The following CACNA2D1 variants were observed in gnomAD, a reference collection of about 807,000 sequenced individuals.
The protein encoded by CACNA2D1 is voltage-dependent calcium channel subunit alpha-2/delta-1.
CACNA2D1 carries 53 observed loss-of-function variants against 171.5 expected under a neutral mutation model. The ratio of observed to expected loss-of-function variants is 0.31; its 90% CI spans 0.25 to 0.39. CACNA2D1 has a LOEUF of 0.39. CACNA2D1 is among the 10% of genes least tolerant of loss of function. CACNA2D1 has a pLI of 1.00. For missense variants in CACNA2D1, 903 were observed against 1,299.8 expected (o/e 0.69, Z 4.69); for synonymous variants, 442 against 443.1 (o/e 1.00, Z 0.03).
In CACNA2D1 at chr7:81,961,897, G is replaced by C; in HGVS notation, c.2963C>G (p.Ser988Cys). ...FSGVLDCGNC[S>C]RIFHGEKLMN... is the part of the protein sequence containing the mutation. Reference sequence around the variant, plus strand: ...ACTCCTGAAATAAATAAATTACCTGGAACAGTTTCCACAGTCTAATACACC... The same window carrying C: ...ACTCCTGAAATAAATAAATTACCTGCAACAGTTTCCACAGTCTAATACACC... Residue 988 changes from serine to cysteine, a missense_variant, in exon 36 of 39, where the codon TCC (serine) becomes TGC (cysteine). By Grantham distance (112) the Ser-to-Cys change is moderately radical. Coordinates refer to ENST00000356860, the MANE Select transcript of CACNA2D1 (RefSeq NM_000722.4). The C allele has an allele frequency of 6.2e-7, 1 of 1,605,910 alleles. No homozygotes were observed. Among genetic ancestry groups the C allele is most frequent in the Non-Finnish European group, 8.5e-7 (1 of 1,173,252 alleles).
At chr7:82,022,886 T>C (rs1244973983) in intron 12 of CACNA2D1, among the ~76,000 whole-genome samples, 1 of 151,972 alleles carries the variant, frequency 6.6e-6, no homozygotes, top group Admixed American at 6.6e-5. Context: ...CATATGCTTT[T>C]TTCTCATTTG....
intron 6 of CACNA2D1, among the ~76,000 whole-genome samples, chr7:82,095,901 T>C (rs1168156674): frequency 2.6e-5 from 4 of 152,212 alleles, no homozygotes; most frequent in Admixed American, 6.5e-5. Flanking sequence ...AGTTCTGTGA[T>C]AAAATCACCC....
intron 7 of CACNA2D1, 150 bp downstream of exon 7, chr7:82,084,619 A>G (rs1810225223): frequency 3.2e-6 from 3 of 933,456 alleles, no homozygotes; most frequent in African/African-American, 3.3e-5. Context: ...ACTGTGGTCA[A>G]TCCAAAGCCA....
intron 2 of CACNA2D1, among the ~76,000 whole-genome samples, chr7:82,343,935 T>C (rs1196352786): frequency 6.6e-6 from 1 of 152,224 alleles, no homozygotes; most frequent in Non-Finnish European, 1.5e-5. Context: ...ATAACTGTCA[T>C]ATCTTATTAA....
intron 6 of CACNA2D1, among the ~76,000 whole-genome samples, chr7:82,085,731 G>C (rs983247209): frequency 6.6e-6 from 1 of 151,310 alleles, no homozygotes; most frequent in African/African-American, 2.4e-5. Context: ...TTAGAGCATG[G>C]TGCCGATAAG....
In CACNA2D1 at chr7:82,280,840, C is replaced by T. The variant is rs549882893; in HGVS notation, c.294+54295G>A. Among the ~76,000 whole-genome samples the T allele has an allele frequency of 5.9e-5, 9 of 152,168 alleles. No homozygotes were observed. The South Asian group carries it at 1.5e-3, about 25-fold the overall frequency. Reference sequence around the variant, plus strand: ...GGGACTACAGACACGTGCACCAGTGCCTGCCTGGAAATTATTTATTTGTCT... The same window carrying T: ...GGGACTACAGACACGTGCACCAGTGTCTGCCTGGAAATTATTTATTTGTCT... On this transcript the variant is annotated intron_variant, in intron 3 of 38. Coordinates refer to ENST00000356860, the MANE Select transcript of CACNA2D1 (RefSeq NM_000722.4).
chr7:82,080,362 C>T (rs1025404097), intron 7 of CACNA2D1, among the ~76,000 whole-genome samples: 1 of 152,024 alleles, frequency 6.6e-6, no homozygotes, highest in Admixed American at 6.5e-5. Context: ...AGGTAGCTTA[C>T]AGAAGTTAAA....
intron 1 of CACNA2D1, among the ~76,000 whole-genome samples, chr7:82,414,160 C>T (rs2129455773): frequency 6.6e-6 from 1 of 152,180 alleles, no homozygotes; most frequent in South Asian, 2.1e-4. Context: ...AACCTAAAGG[C>T]AAGATTAATG....
intron 1 of CACNA2D1, among the ~76,000 whole-genome samples, chr7:82,411,792 A>T (rs1827696016): frequency 6.6e-6 from 1 of 152,046 alleles, no homozygotes; most frequent in Non-Finnish European, 1.5e-5. Context: ...AGGCATGCAC[A>T]GGACATGTCT....
chr7:82,223,000 C>A (rs951679544), intron 3 of CACNA2D1, among the ~76,000 whole-genome samples: 2 of 151,206 alleles, frequency 1.3e-5, no homozygotes, highest in African/African-American at 4.9e-5. Flanking sequence ...CGCAACTCTG[C>A]CTCCTGGGTT....
chr7:82,106,802 G>C (rs1184875378), intron 6 of CACNA2D1, among the ~76,000 whole-genome samples: 1 of 152,000 alleles, frequency 6.6e-6, no homozygotes, highest in Non-Finnish European at 1.5e-5. Flanking sequence ...TATATGATAT[G>C]ATATTCCTTT....
chr7:82,396,152 C>A (rs933550722), intron 1 of CACNA2D1, among the ~76,000 whole-genome samples: 4 of 152,004 alleles, frequency 2.6e-5, no homozygotes, highest in African/African-American at 9.7e-5. Flanking sequence ...GTTGAAATTA[C>A]CTTTTCAGCT....
chr7:82,283,415 A>C (rs528443265), intron 3 of CACNA2D1, among the ~76,000 whole-genome samples: 52 of 152,344 alleles, frequency 3.4e-4, no homozygotes, highest in African/African-American at 1.2e-3. Context: ...ATTTTATAGA[A>C]CTTTAAAATT....
At chr7:82,019,870 A>G (rs1456985380) in intron 12 of CACNA2D1, among the ~76,000 whole-genome samples, 2 of 152,192 alleles carry the variant, frequency 1.3e-5, no homozygotes, top group Non-Finnish European at 2.9e-5. Flanking sequence ...TAGAAAAATG[A>G]AGTCAGAAAT....
chr7:82,224,747 A>C (rs1203816024), intron 3 of CACNA2D1, among the ~76,000 whole-genome samples: 1 of 152,168 alleles, frequency 6.6e-6, no homozygotes, highest in Non-Finnish European at 1.5e-5. Flanking sequence ...CCCAGGCCAC[A>C]TGTCTCTCCA....
At chr7:82,229,588 G>C (rs1802689429) in intron 3 of CACNA2D1, among the ~76,000 whole-genome samples, 1 of 151,964 alleles carries the variant, frequency 6.6e-6, no homozygotes, top group Non-Finnish European at 1.5e-5. Flanking sequence ...TCACCTCCTA[G>C]GTGAACTAGT....
At chr7:82,111,467 A>C (rs1419008708) in intron 6 of CACNA2D1, among the ~76,000 whole-genome samples, 1 of 52,740 alleles carries the variant, frequency 1.9e-5, no homozygotes, top group African/African-American at 8.2e-5. Flanking sequence ...TTTTTTTTTG[A>C]GACAGGGTCT....
chr7:82,262,059 T>C (rs1476191001), intron 3 of CACNA2D1, among the ~76,000 whole-genome samples: 1 of 152,194 alleles, frequency 6.6e-6, no homozygotes, highest in African/African-American at 2.4e-5. Context: ...AGGCTGGGTG[T>C]GGTGGCTCAC....
At chr7:81,962,074 C>T in intron 35 of CACNA2D1, 51 bp from the exon 36 acceptor site, 1 of 1,578,764 alleles carries the variant, frequency 6.3e-7, no homozygotes, top group East Asian at 2.2e-5. Flanking sequence ...TAGGAGGGGT[C>T]TCTGTAGTCA....
Sources: allele counts gnomAD v4.1 joint callset (sites outside exome capture counted in the v4.1 genomes callset), GRCh38; gene constraint gnomAD v4.1.1; transcripts MANE v1.5; gene names NCBI Gene and HGNC (gene_info 2026-07-23, HGNC 2026-07-21).